The following HAAO variants were observed in gnomAD, a reference collection of about 807,000 sequenced individuals.
HAAO encodes the protein 3-hydroxyanthranilate oxygenase.
HAAO carries 49 observed loss-of-function variants against 46.2 expected under a neutral mutation model. That is an observed-to-expected ratio of 1.06 (90% CI 0.84 to 1.34). HAAO has a LOEUF of 1.34. Among genes scored for constraint, HAAO ranks in the 40% most tolerant of loss-of-function variants. The probability of loss-of-function intolerance (pLI) is 0.00; values close to 1 mark genes in which losing one functional copy is unlikely to be tolerated. For missense variants in HAAO, 408 were observed against 364.5 expected, an observed-to-expected ratio of 1.12 and a Z score of -0.97; for synonymous variants, 157 against 145.2, an observed-to-expected ratio of 1.08 and a Z score of -0.58.
chr2:42,781,634 A>C (rs1416357511), intron 4 of HAAO, among the ~76,000 whole-genome samples: 1 of 152,330 alleles, frequency 6.6e-6, no homozygotes, highest in South Asian at 2.1e-4. Context: ...GCACTTTGGA[A>C]GGCCGAGGCA....
At chr2:42,768,234 G>T (rs375279969) in intron 7 of HAAO, among the ~76,000 whole-genome samples, 1 of 152,196 alleles carries the variant, frequency 6.6e-6, no homozygotes, top group East Asian at 1.9e-4. Context: ...CATGAGGGAC[G>T]CATTTCCATC....
intron 4 of HAAO, among the ~76,000 whole-genome samples, chr2:42,781,797 C>G (rs190978875): frequency 4.5e-4 from 69 of 152,210 alleles, no homozygotes; most frequent in South Asian, 8.3e-4. Flanking sequence ...TCACTTGAAC[C>G]CAGGGGGCGG....
At chr2:42,781,045 C>T (rs996329420) in intron 4 of HAAO, among the ~76,000 whole-genome samples, 1 of 152,082 alleles carries the variant, frequency 6.6e-6, no homozygotes, top group African/African-American at 2.4e-5. Context: ...CCACTGCACT[C>T]CAGCCTGGGC....
At chr2:42,773,771 A>G (rs750125253) in intron 4 of HAAO, among the ~76,000 whole-genome samples, 11 of 152,134 alleles carry the variant, frequency 7.2e-5, no homozygotes, top group Non-Finnish European at 5.9e-5. Context: ...TATTTTTAGT[A>G]GAAATGGGGT....
chr2:42,768,113 T>C (rs1299184018), intron 7 of HAAO, among the ~76,000 whole-genome samples, 185 bp from the exon 8 acceptor site: 1 of 152,226 alleles, frequency 6.6e-6, no homozygotes, highest in African/African-American at 2.4e-5. Context: ...CAGGCCTCCC[T>C]GTGCCCGCCG....
chr2:42,768,189 A>C (rs1670814319), intron 7 of HAAO, among the ~76,000 whole-genome samples: 1 of 152,166 alleles, frequency 6.6e-6, no homozygotes, highest in Non-Finnish European at 1.5e-5. Flanking sequence ...GGTCCCTCTG[A>C]TGTGTGCTCA....
At chr2:42,779,316 A>G (rs765596340) in intron 4 of HAAO, among the ~76,000 whole-genome samples, 1 of 141,288 alleles carries the variant, frequency 7.1e-6, no homozygotes, top group Non-Finnish European at 1.5e-5. Flanking sequence ...ACTATAGTTA[A>G]TTGGGTTCAT....
At chr2:42,791,180 T>C (rs1293324838) in intron 1 of HAAO, among the ~76,000 whole-genome samples, 1 of 152,148 alleles carries the variant, frequency 6.6e-6, no homozygotes, top group African/African-American at 2.4e-5. Flanking sequence ...TCTGGTGTTC[T>C]TTTAAAAGAG....
At chr2:42,777,898 AG>A (rs1167272043) in intron 4 of HAAO, among the ~76,000 whole-genome samples, 10 of 152,212 alleles carry the variant, frequency 6.6e-5, no homozygotes, top group African/African-American at 2.2e-4. Context: ...ACAAGGTAAA[AG>A]GAAGCAGGAA....
intron 4 of HAAO, among the ~76,000 whole-genome samples, chr2:42,778,550 G>C (rs55814433): frequency 0.36 from 54,841 of 151,660 alleles, 10,708 homozygotes; most frequent in African/African-American, 0.48. Flanking sequence ...AGGCTGGTCT[G>C]AAACTCTGAC....
At chr2:42,774,651 ACCCAT>A (rs1671401751) in intron 4 of HAAO, among the ~76,000 whole-genome samples, 1 of 152,018 alleles carries the variant, frequency 6.6e-6, no homozygotes, top group South Asian at 2.1e-4. Flanking sequence ...TGAGCCTGAG[ACCCAT>A]CCCTAGGTAA....
In HAAO at chr2:42,783,766, G is replaced by C; in HGVS notation, c.243+18C>G. On this transcript the variant is annotated intron_variant, in intron 3 of 9. Coordinates refer to ENST00000294973, the MANE Select transcript of HAAO (RefSeq NM_012205.3). ...TGGCCGCCTTTCTCTTCCCCACCCT[G>C]CTGGGATCCGGCCTCACCTCTCCCT... The C allele has an allele frequency of 6.2e-7, 1 of 1,603,824 alleles. No individual in the cohort carries two copies. Among genetic ancestry groups the C allele is most frequent in the South Asian group, 1.1e-5 (1 of 89,706 alleles).
At chr2:42,788,907 T>A (rs1217052259) in intron 1 of HAAO, 2 of 383,566 alleles carry the variant, frequency 5.2e-6, no homozygotes, top group East Asian at 1.1e-4. Context: ...TCAACCAGGA[T>A]CACAGGATCA....
Position 42,769,706 on chromosome 2 carries a change from A to C in HAAO, c.630+7T>G. The C allele has an allele frequency of 6.2e-7, 1 of 1,604,890 alleles. No homozygotes were observed. Among genetic ancestry groups the C allele is most frequent in the Non-Finnish European group, 8.5e-7 (1 of 1,175,362 alleles). On this transcript the variant is annotated splice_region_variant and intron_variant, in intron 7 of 9. Transcript: ENST00000294973. The stretch of plus-strand genomic sequence containing the variant: ...AGGATGCCCCGGATGCCCCAGGACT[A>C]CATTACCTGGGTCTCATAGGTGTCC...
chr2:42,785,202 G>C (rs376777579), intron 2 of HAAO, among the ~76,000 whole-genome samples: 2 of 152,236 alleles, frequency 1.3e-5, no homozygotes, highest in East Asian at 3.9e-4. Flanking sequence ...TGTGCTCAGC[G>C]CATAGTAAGC....
In HAAO at chr2:42,777,978, T is replaced by A. The variant is rs1671715624; in HGVS notation, c.350+5336A>T. Among the ~76,000 whole-genome samples the A allele has an allele frequency of 2.0e-5, 3 of 148,476 alleles. No homozygotes were observed. In the South Asian group the frequency reaches 6.5e-4, roughly 32 times the overall value. On this transcript the variant is annotated intron_variant, in intron 4 of 9. Coordinates refer to ENST00000294973, the MANE Select transcript of HAAO (RefSeq NM_012205.3). ...TGTGGTAAGAAAGCTTAAAGAGACA[T>A]AATTTCATATGAGAAAGACTCTTGT... is the stretch of plus-strand genomic sequence containing the variant.
chr2:42,771,319 T>G (rs1032845858), intron 4 of HAAO, among the ~76,000 whole-genome samples: 80 of 151,956 alleles, frequency 5.3e-4, no homozygotes, highest in African/African-American at 1.7e-3. Context: ...TCCCAGCTAC[T>G]TGGGAGGCCG....
chr2:42,773,457 T>C (rs1426547126), intron 4 of HAAO, among the ~76,000 whole-genome samples: 1 of 152,104 alleles, frequency 6.6e-6, no homozygotes, highest in African/African-American at 2.4e-5. Flanking sequence ...TTGGAACCCC[T>C]CTGGCCCGCT....
At chr2:42,770,051 C>A in intron 6 of HAAO, 92 bp downstream of exon 6, 2 of 1,283,882 alleles carry the variant, frequency 1.6e-6, no homozygotes, top group South Asian at 1.3e-5. Flanking sequence ...GCAGAGTATT[C>A]AAAAAGAGAC....
Sources: allele counts gnomAD v4.1 joint callset (sites outside exome capture counted in the v4.1 genomes callset), GRCh38; gene constraint gnomAD v4.1.1; transcripts MANE v1.5; gene names NCBI Gene and HGNC (gene_info 2026-07-23, HGNC 2026-07-21).